Variants in SLAIN1 observed in about 807,000 individuals in gnomAD.
The protein encoded by SLAIN1 is SLAIN motif-containing protein 1.
SLAIN1 carries 17 observed loss-of-function variants against 55.4 expected under a neutral mutation model. That is an observed-to-expected ratio of 0.31 (90% CI 0.21 to 0.46). The LOEUF (loss-of-function observed/expected upper bound fraction) is 0.46. SLAIN1 is among the 20% of genes least tolerant of loss of function. The probability of loss-of-function intolerance (pLI) is 1.00; values close to 1 mark genes in which losing one functional copy is unlikely to be tolerated. For synonymous variants in SLAIN1, 348 were observed against 337.4 expected (o/e 1.03, Z -0.35); for missense variants, 682 against 785.1 (o/e 0.87, Z 1.57).
chr13:77,725,496 G>A (rs1304869652), intron 2 of SLAIN1, among the ~76,000 whole-genome samples: 1 of 152,132 alleles, frequency 6.6e-6, no homozygotes, highest in Admixed American at 6.5e-5. Context: ...TGACAGATAG[G>A]TAAAAGTTCC....
chr13:77,716,919 G>A (rs1274046917), intron 1 of SLAIN1, among the ~76,000 whole-genome samples: 2 of 152,092 alleles, frequency 1.3e-5, no homozygotes, highest in Non-Finnish European at 2.9e-5. Flanking sequence ...TAGAAGCGAT[G>A]AGAGCCAATG....
intron 2 of SLAIN1, chr13:77,741,574 T>C (rs770877583): frequency 1.3e-5 from 3 of 229,478 alleles, no homozygotes; most frequent in Non-Finnish European, 2.2e-5. Flanking sequence ...TTCTTCCACA[T>C]ACTTAAGGAA....
In SLAIN1 at chr13:77,720,975, A is replaced by G. The variant is rs547255446; in HGVS notation, c.766+1304A>G. Among the ~76,000 whole-genome samples the G allele has an allele frequency of 8.5e-5, 13 of 152,316 alleles. No homozygotes were observed. The South Asian group carries it at 2.7e-3, about 32-fold the overall frequency. ...GTGATAGATGCTCATCTAACAGAGC[A>G]GCCATCTCAGAGTCGGAGGCTGTAG... On this transcript the variant is annotated intron_variant, in intron 2 of 6. Coordinates refer to ENST00000418532, the MANE Select transcript of SLAIN1 (RefSeq NM_001242868.2).
At chr13:77,734,114 A>G (rs1277031490) in intron 2 of SLAIN1, among the ~76,000 whole-genome samples, 1 of 152,126 alleles carries the variant, frequency 6.6e-6, no homozygotes, top group Non-Finnish European at 1.5e-5. Context: ...GGCTCTAAAT[A>G]CGTAAAGATA....
intron 2 of SLAIN1, among the ~76,000 whole-genome samples, chr13:77,729,456 A>G (rs1043924637): frequency 1.7e-4 from 26 of 152,108 alleles, no homozygotes; most frequent in Admixed American, 7.9e-4. Flanking sequence ...TACTGCTTTC[A>G]TACTACTGTG....
Position 77,746,748 on chromosome 13 carries a change from G to T in SLAIN1, c.1151G>T (p.Arg384Met). 12 of 1,613,850 alleles carry T rather than the reference G, an allele frequency of 7.4e-6. No individual in the cohort carries two copies. The highest frequency in any genetic ancestry group is 1.0e-5 in the Non-Finnish European group (12 of 1,179,822). The change falls in exon 4 of 7, where the codon AGG (arginine) becomes ATG (methionine). Residue 384 changes from arginine to methionine, a missense_variant. This residue lies in a region of SLAIN1 where 244 missense variants were observed against 295.2 expected (regional missense o/e 0.83). Transcript: ENST00000418532. ...SQTFSSIREC[R>M]RSPSSQYFPS... ...ACTTTCTCCAGCATTCGGGAGTGTA[G>T]GAGGAGCCCCAGTTCCCAGTATTTT...
chr13:77,697,976 G>A lies in SLAIN1; in HGVS notation c.63G>A (p.Pro21=), dbSNP rs1434713687. ...AGVSSGAGSG[P]VVNAELEVKK... ...TCAGCTCTGGAGCGGGCTCCGGGCC[G>A]GTGGTGAACGCGGAGCTGGAGGTGA... is the stretch of plus-strand genomic sequence containing the variant. The change falls in exon 1 of 7, where the codon CCG becomes CCA. Residue 21 remains proline, a synonymous_variant. Transcript: ENST00000418532. 5 of 1,448,866 alleles carry A rather than the reference G, an allele frequency of 3.5e-6. No homozygotes were observed. Among genetic ancestry groups the A allele is most frequent in the Non-Finnish European group, 3.7e-6 (4 of 1,092,220 alleles). 89.8% of individuals were successfully genotyped at this position (1,448,866 alleles called of 1,614,324 possible). A position where few individuals can be genotyped will look rare whatever the true frequency, so the allele number is the denominator to read the frequency against.
intron 5 of SLAIN1, 94 bp from the exon 6 acceptor site, chr13:77,760,734 C>T (rs1211106406): frequency 3.7e-6 from 5 of 1,348,190 alleles, no homozygotes; most frequent in Non-Finnish European, 3.1e-6. Context: ...ATATTGTACT[C>T]TCAGGCATAA....
intron 1 of SLAIN1, chr13:77,699,211 G>A: frequency 3.3e-6 from 2 of 605,036 alleles, no homozygotes. Context: ...TTTTCTTGGA[G>A]TGGAATGAAC....
Position 77,698,876 on chromosome 13 carries a change from T to C in SLAIN1, c.626+337T>C. The C allele has an allele frequency of 6.6e-7, 1 of 1,515,650 alleles. No individual in the cohort carries two copies. Among genetic ancestry groups the C allele is most frequent in the Non-Finnish European group, 8.8e-7 (1 of 1,133,462 alleles). 93.9% of individuals were successfully genotyped at this position (1,515,650 alleles called of 1,614,324 possible). ...CAAAATCCATGTCATCTTGTCTTTT[T>C]GCTCAGTGCTGCTCTTTTCCCCAGT... On this transcript the variant is annotated intron_variant, in intron 1 of 6. Coordinates refer to ENST00000418532, the MANE Select transcript of SLAIN1 (RefSeq NM_001242868.2). The surrounding 1 kb of genome is among the most constrained non-coding windows in gnomAD (Gnocchi z 4.1).
chr13:77,727,462 A>C (rs1049764395), intron 2 of SLAIN1, among the ~76,000 whole-genome samples: 2 of 150,828 alleles, frequency 1.3e-5, no homozygotes, highest in Non-Finnish European at 2.9e-5. Flanking sequence ...AACAATTTTC[A>C]TTGAACATTT....
chr13:77,697,876 C>T lies in SLAIN1; in HGVS notation c.-38C>T, dbSNP rs1465997449. On this transcript the variant is annotated 5_prime_UTR_variant, in exon 1 of 7. Transcript: ENST00000418532. ...GGCCCGAGGAGCCGGCGCGGCGGCG[C>T]GCACTCCCCGGCGGCCGCGGCGCCC... The T allele has an allele frequency of 1.5e-6, 2 of 1,299,674 alleles. No individual in the cohort carries two copies. Among genetic ancestry groups the T allele is most frequent in the Non-Finnish European group, 2.0e-6 (2 of 1,023,606 alleles). 80.5% of individuals were successfully genotyped at this position (1,299,674 alleles called of 1,614,324 possible). A position where few individuals can be genotyped will look rare whatever the true frequency, so the allele number is the denominator to read the frequency against.
chr13:77,741,142 T>C (rs939238512), intron 2 of SLAIN1: 1 of 985,150 alleles, frequency 1.0e-6, no homozygotes, highest in African/African-American at 1.7e-5. Context: ...CATCTGTGGG[T>C]GAGAACACGC....
intron 1 of SLAIN1, among the ~76,000 whole-genome samples, chr13:77,706,757 G>A (rs2091094024): frequency 6.6e-6 from 1 of 152,088 alleles, no homozygotes; most frequent in Non-Finnish European, 1.5e-5. Context: ...TTGAGATCCT[G>A]CGTATTTGAA....
Position 77,714,215 on chromosome 13 carries a change from G to A in SLAIN1, c.627-5317G>A, listed in dbSNP as rs531349421. ...ATTGGTGAAAAAAGTATTGAGATAA[G>A]GAAACTCCACAGTTGACTAACTAGT... On this transcript the variant is annotated intron_variant, in intron 1 of 6. Coordinates refer to ENST00000418532, the MANE Select transcript of SLAIN1 (RefSeq NM_001242868.2). Among the ~76,000 whole-genome samples, 332 of 152,140 alleles carry A rather than the reference G, an allele frequency of 2.2e-3. 3 individuals carry two copies. In the South Asian group the frequency reaches 0.028, roughly 13 times the overall value.
chr13:77,756,053 G>T (rs1274320508), intron 5 of SLAIN1, among the ~76,000 whole-genome samples: 1 of 151,978 alleles, frequency 6.6e-6, no homozygotes, highest in Non-Finnish European at 1.5e-5. Context: ...CCTGGTTTTG[G>T]GTCTTTTCTT....
intron 5 of SLAIN1, among the ~76,000 whole-genome samples, chr13:77,758,020 T>C (rs1594299049): frequency 6.6e-6 from 1 of 152,142 alleles, no homozygotes; most frequent in East Asian, 1.9e-4. Flanking sequence ...CTGTTTTCCA[T>C]AGTGGGTCTA....
At chr13:77,714,935 T>G (rs2091191717) in intron 1 of SLAIN1, among the ~76,000 whole-genome samples, 1 of 152,124 alleles carries the variant, frequency 6.6e-6, no homozygotes, top group East Asian at 1.9e-4. Flanking sequence ...TGGCACTATC[T>G]CAGCTCACTG....
At chr13:77,708,934 G>A (rs1012858473) in intron 1 of SLAIN1, among the ~76,000 whole-genome samples, 1 of 151,996 alleles carries the variant, frequency 6.6e-6, no homozygotes, top group Non-Finnish European at 1.5e-5. Flanking sequence ...GACAGAAATA[G>A]ACTTCAGAAG....
Sources: gnomAD v4.1 joint callset for allele counts (sites outside exome capture counted in the v4.1 genomes callset) on GRCh38, gnomAD v4.1.1 for gene constraint, gnomAD v4.1.1 regional missense constraint, Gnocchi (gnomAD v3.1) non-coding constraint, MANE v1.5 for transcripts, NCBI Gene and HGNC (gene_info 2026-07-23, HGNC 2026-07-21) for gene names.